The following DDB1 variants were observed in gnomAD, a reference collection of about 807,000 sequenced individuals.
DDB1 encodes damage specific DNA binding protein 1.
In DDB1, 18 loss-of-function variants were observed where a neutral mutation model predicts 133.1. That is an observed-to-expected ratio of 0.14 (90% CI 0.09 to 0.20). The LOEUF is 0.20. Ranked by LOEUF, DDB1 falls within the 10% of genes least tolerant of loss-of-function variation. DDB1 has a pLI of 1.00. For synonymous variants in DDB1, 580 were observed against 550.5 expected, an observed-to-expected ratio of 1.05 and a Z score of -0.75; for missense variants, 828 against 1,459.2, an observed-to-expected ratio of 0.57 and a Z score of 7.05.
chr11:61,319,766 T>C (rs900933546), intron 10 of DDB1, among the ~76,000 whole-genome samples: 13 of 152,334 alleles, frequency 8.5e-5, no homozygotes, highest in Admixed American at 4.6e-4. Flanking sequence ...TGGTTATGCC[T>C]GCTTCTTCCT....
At chr11:61,315,352 TA>T (rs1284407144) in intron 12 of DDB1, 21 of 152,212 alleles carry the variant, frequency 1.4e-4, no homozygotes, top group African/African-American at 5.1e-4. Context: ...TGAGTTTATA[TA>T]TAAGGATGAA....
chr11:61,314,361 T>C lies in DDB1; in HGVS notation c.1536A>G (p.Val512=), dbSNP rs1158545592. 6.2e-7 allele frequency: 1 copy of C among 1,614,200 alleles called. No homozygotes were observed. The highest frequency in any genetic ancestry group is 8.5e-7 in the Non-Finnish European group (1 of 1,180,020). The change falls in exon 13 of 27, where the codon GTA becomes GTG. Residue 512 remains valine (V), a synonymous_variant. Coordinates refer to ENST00000301764, the MANE Select transcript of DDB1 (RefSeq NM_001923.5). ...TCTGCAGATAGTAGAGGGCCCTGCC[T>C]ACAGCCACCACCACCTGGCTGCTAT... ...SCNSSQVVVA[V]GRALYYLQIH...
At chr11:61,309,526 G>A (rs1855927881) in intron 20 of DDB1, among the ~76,000 whole-genome samples, 1 of 152,208 alleles carries the variant, frequency 6.6e-6, no homozygotes, top group African/African-American at 2.4e-5. Context: ...GTTGTCACTA[G>A]ATTCCCTTAC....
intron 22 of DDB1, 149 bp downstream of exon 22, chr11:61,303,716 A>AC: frequency 2.1e-6 from 2 of 933,694 alleles, no homozygotes; most frequent in Non-Finnish European, 3.1e-6. Context: ...AAAAAAAAAA[A>AC]AAAAAAAACT....
rs1856020231 is a variant in DDB1 at position 61,313,888 on chromosome 11, A to G, written c.1835T>C (p.Phe612Ser). The change falls in exon 15 of 27, where the codon TTC becomes TCC. Residue 612 changes from phenylalanine (F) to serine (S), a missense_variant. By Grantham distance (155) the Phe-to-Ser change is radical (BLOSUM62 -2). This residue lies in a region of DDB1 where 396 missense variants were observed against 554.1 expected (regional missense o/e 0.71). Coordinates refer to ENST00000301764, the MANE Select transcript of DDB1 (RefSeq NM_001923.5). ...LLCALGDGAL[F>S]YFGLNIETGL... ...TGTCTCAATGTTGAGCCCAAAGTAG[A>G]AAAGCGCTCCATCTCCCAAGGCACA... 1 of 1,614,032 alleles carries G rather than the reference A, an allele frequency of 6.2e-7. No homozygotes were observed.
At position 61,328,007 on chromosome 11, in the gene DDB1, G is replaced by A. The variant is rs28720267; in HGVS notation, c.550-1114C>T. On this transcript the variant is annotated intron_variant, in intron 4 of 26. Transcript: ENST00000301764. The stretch of plus-strand genomic sequence containing the variant: ...ATGAGTAGGGTTATGACACAACTTT[G>A]CAAAAAGTTCAAGTGTGGATTTGGG... Among the ~76,000 whole-genome samples, 11 of 152,276 alleles carry A rather than the reference G, an allele frequency of 7.2e-5. No individual in the cohort carries two copies. In the East Asian group the frequency reaches 1.3e-3, roughly 19 times the overall value.
intron 16 of DDB1, among the ~76,000 whole-genome samples, chr11:61,312,827 G>A (rs923407705): frequency 6.6e-6 from 1 of 151,958 alleles, no homozygotes; most frequent in African/African-American, 2.4e-5. Flanking sequence ...TCGAGCTCCT[G>A]ACCTCCGGTG....
In DDB1 at chr11:61,330,047, A is replaced by C. The variant is rs748995718; in HGVS notation, c.238T>G (p.Leu80Val). 1 of 1,613,688 alleles carries C rather than the reference A, an allele frequency of 6.2e-7. No homozygotes were observed. The highest frequency in any genetic ancestry group is 1.3e-5 in the African/African-American group (1 of 74,938). The change falls in exon 3 of 27, where the codon TTG (leucine) becomes GTG (valine). Residue 80 changes from leucine (L) to valine (V), a missense_variant. This residue lies in a region of DDB1 where 210 missense variants were observed against 344.8 expected (regional missense o/e 0.61). Coordinates refer to ENST00000301764, the MANE Select transcript of DDB1 (RefSeq NM_001923.5). ...ATGCAGGCATTGTACTTCGCTGTCA[A>C]GATAAACAGCAGGTCCTTGCTCTCC... ...KGESKDLLFI[L>V]TAKYNACILE...
At chr11:61,320,121 ATAG>A (rs1412317929) in intron 10 of DDB1, among the ~76,000 whole-genome samples, 2 of 152,082 alleles carry the variant, frequency 1.3e-5, no homozygotes, top group Non-Finnish European at 2.9e-5. Flanking sequence ...TGTATTGTCT[ATAG>A]TAGTTTTTTA....
At position 61,300,843 on chromosome 11, in the gene DDB1, C is replaced by T. The variant is rs1169018260; in HGVS notation, c.3305G>A (p.Arg1102His). 6.8e-6 allele frequency: 11 copies of T among 1,614,130 alleles called. No homozygotes were observed. Among genetic ancestry groups the T allele is most frequent in the African/African-American group, 1.3e-5 (1 of 75,022 alleles). ...TGCCACCACCTCCTGCATCTTGGGG[C>T]GGCTAATATCCAGGAAACTCTCAAT... ...DLIESFLDISRPKMQEVVANL... is the reference protein window; with the variant it reads ...DLIESFLDISHPKMQEVVANL... The change falls in exon 26 of 27, where the codon CGC becomes CAC. Residue 1102 changes from arginine to histidine, a missense_variant. Transcript: ENST00000301764.
chr11:61,330,296 T>A (rs1856345018), intron 2 of DDB1: 2 of 400,408 alleles, frequency 5.0e-6, no homozygotes. Context: ...CTCACTTTCA[T>A]GATTCTCCAT....
intron 1 of DDB1, 101 bp downstream of exon 1, chr11:61,332,807 G>GCCCACTCCTGCCCGGCCGCC: frequency 9.5e-7 from 1 of 1,052,710 alleles, no homozygotes; most frequent in Non-Finnish European, 1.3e-6. Context: ...CATTCGCCGG[G>GCCCACTCCTGCCCGGCCGCC]CCCACTCCTG....
chr11:61,330,341 C>CAATCTCAAGCT (rs1278871961), intron 2 of DDB1: 1 of 291,238 alleles, frequency 3.4e-6, no homozygotes, highest in African/African-American at 2.2e-5. Flanking sequence ...TCATCTATTT[C>CAATCTCAAGCT]AATCTCAAGC....
chr11:61,332,269 G>A (rs1225298929), intron 1 of DDB1: 1 of 153,728 alleles, frequency 6.5e-6, no homozygotes, highest in Admixed American at 6.4e-5. Context: ...TGCAAGCTTG[G>A]GGTCTGCATA....
chr11:61,317,004 T>A (rs1397782460), intron 10 of DDB1, among the ~76,000 whole-genome samples: 21 of 102,288 alleles, frequency 2.1e-4, no homozygotes, highest in African/African-American at 4.2e-4. Flanking sequence ...TATATAGACA[T>A]GGCAGCCTGA....
intron 10 of DDB1, among the ~76,000 whole-genome samples, chr11:61,317,514 C>T (rs1856110633): frequency 6.6e-6 from 1 of 151,946 alleles, no homozygotes; most frequent in African/African-American, 2.4e-5. Flanking sequence ...TATTTATTTA[C>T]TTATTTATTT....
intron 3 of DDB1, 65 bp downstream of exon 3, chr11:61,329,893 T>A: frequency 7.1e-7 from 1 of 1,403,710 alleles, no homozygotes; most frequent in Admixed American, 1.8e-5. Context: ...AGCACTTTAA[T>A]TTTTTCCATG....
intron 18 of DDB1, 83 bp from the exon 19 acceptor site, chr11:61,310,501 A>G (rs2134905259): frequency 7.0e-7 from 1 of 1,438,016 alleles, no homozygotes; most frequent in Admixed American, 2.8e-5. Context: ...CCGTCAGATC[A>G]GGACACAAAG....
chr11:61,331,587 C>T lies in DDB1; in HGVS notation c.166G>A (p.Gly56Ser), dbSNP rs759719367. Reference protein sequence around the residue: ...AEGLRPVKEVGMYGKIAVMEL... With the variant: ...AEGLRPVKEVSMYGKIAVMEL... ...ATGACCGCAATCTTCCCATACATGCCCACCTCTTTGACGGGCCGAAGCCCC... is the reference window on the plus strand; with the variant it reads ...ATGACCGCAATCTTCCCATACATGCTCACCTCTTTGACGGGCCGAAGCCCC... The change falls in exon 2 of 27, where the codon GGC becomes AGC. Residue 56 changes from glycine to serine, a missense_variant. Gly to Ser is a moderately conservative substitution (Grantham distance 56, BLOSUM62 0). Transcript: ENST00000301764. The T allele has an allele frequency of 7.4e-6, 12 of 1,614,078 alleles. No individual in the cohort carries two copies. Among genetic ancestry groups the T allele is most frequent in the Non-Finnish European group, 1.0e-5 (12 of 1,180,052 alleles).
Sources: allele counts gnomAD v4.1 joint callset (sites outside exome capture counted in the v4.1 genomes callset), GRCh38; gene constraint gnomAD v4.1.1; regional missense constraint gnomAD v4.1.1; transcripts MANE v1.5; gene names NCBI Gene and HGNC (gene_info 2026-07-23, HGNC 2026-07-21).